The following APOB variants were observed in gnomAD, a reference collection of about 807,000 sequenced individuals.
The protein encoded by APOB is apolipoprotein B-100.
Under a neutral mutation model 314.1 loss-of-function variants are expected in APOB, and 153 were observed. The observed-to-expected ratio is 0.49, with a 90% CI of 0.43 to 0.56. The LOEUF (loss-of-function observed/expected upper bound fraction) is 0.56. Among genes scored for constraint, APOB ranks in the 20% least tolerant of loss-of-function variants. The pLI, the probability that APOB is intolerant of heterozygous loss-of-function variation, is 0.00. For synonymous variants in APOB, 2,087 were observed against 2,036.4 expected, an observed-to-expected ratio of 1.02 and a Z score of -0.67; for missense variants, 5,430 against 5,350.7, an observed-to-expected ratio of 1.01 and a Z score of -0.46.
chr2:21,019,766 A>G lies in APOB; in HGVS notation c.2956T>C (p.Ser986Pro). 2 of 1,614,152 alleles carry G rather than the reference A, an allele frequency of 1.2e-6. No individual in the cohort carries two copies. Among genetic ancestry groups the G allele is most frequent in the Non-Finnish European group, 1.7e-6 (2 of 1,180,024 alleles). ...CTSGAYSNAS[S>P]TDSASYYPLT... ...GGATAGTAGGAGGCGGAGTCTGTGGAGCTGGCGTTGGAGTAAGCGCCTGAG... is the reference window on the plus strand; with the variant it reads ...GGATAGTAGGAGGCGGAGTCTGTGGGGCTGGCGTTGGAGTAAGCGCCTGAG... The change falls in exon 19 of 29, where the codon TCC (serine) becomes CCC (proline). Residue 986 changes from serine to proline, a missense_variant. Physicochemically the swap from Ser to Pro is moderately conservative, Grantham distance 74. This residue lies in a region of APOB where 2,085 missense variants were observed against 2,079.7 expected (regional missense o/e 1.00). Transcript: ENST00000233242.
rs748957788 is a variant in APOB, at chr2:21,027,910, T to G, written c.1985A>C (p.Asp662Ala). ...TTCTTTAGGAAGGTAGTTATTTGGA[T>G]CAAATATAAGATTCCCTTCTATTTT... ...SAKIEGNLIF[D>A]PNNYLPKESM... Residue 662 changes from aspartate to alanine, a missense_variant, in exon 14 of 29, where the codon GAT becomes GCT. Physicochemically the swap from Asp to Ala is moderately radical, Grantham distance 126. Transcript: ENST00000233242. 1 of 1,614,164 alleles carries G rather than the reference T, an allele frequency of 6.2e-7. No individual in the cohort carries two copies. Among genetic ancestry groups the G allele is most frequent in the Non-Finnish European group, 8.5e-7 (1 of 1,180,002 alleles).
In APOB at chr2:21,005,780, A is replaced by C. The variant is rs1663116627; in HGVS notation, c.11088T>G (p.Ile3696Met). ...AAACACGAAGATGCTGTCTCCTACC[A>C]ATGCTGGTGGTTACATCCAGCTTTA... ...DFLKLDVTTSIGRRQHLRVST... is the reference protein window; with the variant it reads ...DFLKLDVTTSMGRRQHLRVST... The change falls in exon 26 of 29, where the codon ATT becomes ATG. Residue 3696 changes from isoleucine (I) to methionine (M), a missense_variant. Physicochemically the swap from Ile to Met is conservative, Grantham distance 10 (BLOSUM62 1). Transcript: ENST00000233242. 2.5e-6 allele frequency: 4 copies of C among 1,614,040 alleles called. No individual in the cohort carries two copies. Among genetic ancestry groups the C allele is most frequent in the Non-Finnish European group, 3.4e-6 (4 of 1,179,972 alleles).
At chr2:21,003,757 C>T (rs555042520) in intron 28 of APOB, among the ~76,000 whole-genome samples, 8 of 152,260 alleles carry the variant, frequency 5.3e-5, no homozygotes, top group African/African-American at 1.7e-4. Flanking sequence ...AACATCAGTA[C>T]GCATTCTCCA....
intron 7 of APOB, among the ~76,000 whole-genome samples, chr2:21,035,289 C>T (rs2103382307): frequency 6.6e-6 from 1 of 152,332 alleles, no homozygotes; most frequent in East Asian, 1.9e-4. Flanking sequence ...CCCAAATCTT[C>T]CATGAAACCT....
Position 21,008,521 on chromosome 2 carries a change from A to T in APOB, c.8347T>A (p.Ser2783Thr). 3 of 1,614,052 alleles carry T rather than the reference A, an allele frequency of 1.9e-6. No individual in the cohort carries two copies. The highest frequency in any genetic ancestry group is 2.5e-6 in the Non-Finnish European group (3 of 1,179,974). ...GCTGCGATACCTGCTTCGTTTGCTG[A>T]GGTGGTTCCATTCCCTATGTCAGCA... ...ANADIGNGTT[S>T]ANEAGIAASI... The change falls in exon 26 of 29, where the codon TCA becomes ACA. Residue 2783 changes from serine to threonine, a missense_variant. Transcript: ENST00000233242.
At position 21,005,171 on chromosome 2, in the gene APOB, A is replaced by T. The variant is rs1311754475; in HGVS notation, c.11697T>A (p.Ser3899Arg). Residue 3899 changes from serine (S) to arginine (R), a missense_variant, in exon 26 of 29, where the codon AGT becomes AGA. Around this residue, in one of 3 missense-constraint regions of APOB, gnomAD observed 3,281 missense variants for 3,171.0 expected, o/e 1.03. Coordinates refer to ENST00000233242, the MANE Select transcript of APOB (RefSeq NM_000384.3). ...VDSPVYNATWSASLKNKADYV... is the reference protein window; with the variant it reads ...VDSPVYNATWRASLKNKADYV... ...AATCTGCTTTGTTTTTCAAACTGGCACTCCAAGTGGCATTATACACGGGAG... is the reference window on the plus strand; with the variant it reads ...AATCTGCTTTGTTTTTCAAACTGGCTCTCCAAGTGGCATTATACACGGGAG... The T allele has an allele frequency of 1.2e-6, 2 of 1,613,998 alleles. No individual in the cohort carries two copies. Among genetic ancestry groups the T allele is most frequent in the Non-Finnish European group, 8.5e-7 (1 of 1,179,936 alleles).
chr2:21,005,289 T>C lies in APOB; in HGVS notation c.11579A>G (p.Gln3860Arg), dbSNP rs1454542532. The part of the protein sequence containing the change: ...FELPTIIVPE[Q>R]TIEIPSIKFS... ...CTTAATGGAGGGAATCTCAATGGTC[T>C]GCTCAGGCACGATGATGGTGGGCAA... is the stretch of plus-strand genomic sequence containing the variant. Residue 3860 changes from glutamine (Q) to arginine (R), a missense_variant, in exon 26 of 29, where the codon CAG becomes CGG. Around this residue, in one of 3 missense-constraint regions of APOB, gnomAD observed 3,281 missense variants for 3,171.0 expected, o/e 1.03. Transcript: ENST00000233242. 1.9e-6 allele frequency: 3 copies of C among 1,613,970 alleles called. No individual in the cohort carries two copies. The highest frequency in any genetic ancestry group is 2.7e-5 in the African/African-American group (2 of 74,910).
intron 26 of APOB, 72 bp from the exon 27 acceptor site, chr2:21,004,747 G>C: frequency 1.7e-6 from 2 of 1,154,506 alleles, no homozygotes; most frequent in Non-Finnish European, 2.6e-6. Context: ...TGTGAAAACT[G>C]GGAGAATTCT....
intron 12 of APOB, 57 bp from the exon 13 acceptor site, chr2:21,028,595 C>G (rs973907753): frequency 6.6e-6 from 8 of 1,218,206 alleles, no homozygotes; most frequent in African/African-American, 5.9e-5. Context: ...ACAGAACATG[C>G]CTGGCAAACA....
intron 4 of APOB, among the ~76,000 whole-genome samples, chr2:21,038,801 CAA>C: frequency 6.6e-6 from 1 of 152,216 alleles, no homozygotes; most frequent in East Asian, 1.9e-4. Context: ...CAGAGTCATA[CAA>C]AGATTTTGCC....
In APOB at chr2:21,006,705, G is replaced by T; in HGVS notation, c.10163C>A (p.Thr3388Lys). 1 of 1,613,912 alleles carries T rather than the reference G, an allele frequency of 6.2e-7. No homozygotes were observed. The highest frequency in any genetic ancestry group is 8.5e-7 in the Non-Finnish European group (1 of 1,179,942). The change falls in exon 26 of 29, where the codon ACA becomes AAA. Residue 3388 changes from threonine to lysine, a missense_variant. Around this residue, in one of 3 missense-constraint regions of APOB, gnomAD observed 3,281 missense variants for 3,171.0 expected, o/e 1.03. Transcript: ENST00000233242. ...QYKLEGTTRL[T>K]RKRGLKLATA... is the part of the protein sequence containing the mutation. ...GGCTAACTTCAATCCCCTTTTTCTT[G>T]TCAATCTTGTGGTGCCCTCTAATTT...
At chr2:21,023,423 T>C (rs748225566) in intron 17 of APOB, 102 bp downstream of exon 17, 18 of 1,382,326 alleles carry the variant, frequency 1.3e-5, no homozygotes, top group Non-Finnish European at 1.8e-5. Context: ...GATGAAGCAT[T>C]TTGTCTTGAA....
rs576038819 is a variant in APOB, at chr2:21,033,131, C to T, written c.1124+168G>A. ...ATGCGCGTGTGTGTTTCATGGAACTCAGCGCAGCAGCTGATAGTTCTCTAT... is the reference window on the plus strand; with the variant it reads ...ATGCGCGTGTGTGTTTCATGGAACTTAGCGCAGCAGCTGATAGTTCTCTAT... On this transcript the variant is annotated intron_variant, in intron 9 of 28. Coordinates refer to ENST00000233242, the MANE Select transcript of APOB (RefSeq NM_000384.3). Among the ~76,000 whole-genome samples, 91 of 152,334 alleles carry T rather than the reference C, an allele frequency of 6.0e-4. 4 individuals are homozygous for T. In the South Asian group the frequency reaches 0.019, roughly 32 times the overall value.
rs1663668143 is a variant in APOB at position 21,023,663 on chromosome 2, C to A, written c.2466G>T (p.Lys822Asn). Reference sequence around the variant, plus strand: ...AGATGTAGTGAAGAAAAAAGTCATTCTTTGAGCCCTTCCTGATGACCTCTC... The same window carrying A: ...AGATGTAGTGAAGAAAAAAGTCATTATTTGAGCCCTTCCTGATGACCTCTC... ...MIGEVIRKGS[K>N]NDFFLHYIFM... is the part of the protein sequence containing the mutation. Residue 822 changes from lysine to asparagine, a missense_variant, in exon 17 of 29, where the codon AAG becomes AAT. Around this residue, in one of 3 missense-constraint regions of APOB, gnomAD observed 2,085 missense variants for 2,079.7 expected, o/e 1.00. Coordinates refer to ENST00000233242, the MANE Select transcript of APOB (RefSeq NM_000384.3). 6.2e-7 allele frequency: 1 copy of A among 1,612,314 alleles called. No individual in the cohort carries two copies. Among genetic ancestry groups the A allele is most frequent in the East Asian group, 2.2e-5 (1 of 44,828 alleles).
Position 21,044,026 on chromosome 2 carries a change from C to T in APOB, c.-81G>A, listed in dbSNP as rs1664208375. 2.9e-6 allele frequency: 2 copies of T among 680,672 alleles called. No homozygotes were observed. Among genetic ancestry groups the T allele is most frequent in the Non-Finnish European group, 4.0e-6 (2 of 494,616 alleles). 42.2% of individuals were successfully genotyped at this position (680,672 alleles called of 1,614,324 possible). On this transcript the variant is annotated 5_prime_UTR_variant, in exon 1 of 29. Coordinates refer to ENST00000233242, the MANE Select transcript of APOB (RefSeq NM_000384.3). ...CTGGCTGGCTGGGCGGGCTCCTCAG[C>T]GGCAGCAACCGAGAAGGGCACTCAG...
chr2:21,038,168 A>C, intron 4 of APOB, 57 bp from the exon 5 acceptor site: 1 of 1,598,098 alleles, frequency 6.3e-7, no homozygotes, highest in Non-Finnish European at 8.6e-7. Context: ...ACTTGCTGGA[A>C]GTAAGCTGGG....
In APOB at chr2:21,029,844, G is replaced by A. The variant is rs12720765; in HGVS notation, c.1470+54C>T. 2,126 of 1,611,106 alleles carry A rather than the reference G, an allele frequency of 1.3e-3. 23 individuals carry two copies. The African/African-American group carries it at 0.026, about 20-fold the overall frequency. On this transcript the variant is annotated intron_variant, in intron 11 of 28. Coordinates refer to ENST00000233242, the MANE Select transcript of APOB (RefSeq NM_000384.3). Reference sequence around the variant, plus strand: ...GGTGCAGGAGAGGGAAGTAAAAGGTGTCCAGGAAAAGTGCTTCTGAAATGA... The same window carrying A: ...GGTGCAGGAGAGGGAAGTAAAAGGTATCCAGGAAAAGTGCTTCTGAAATGA...
rs765547941 is a variant in APOB at position 21,007,024 on chromosome 2, T to C, written c.9844A>G (p.Ser3282Gly). The change falls in exon 26 of 29, where the codon AGT (serine) becomes GGT (glycine). Residue 3282 changes from serine (S) to glycine (G), a missense_variant. Ser to Gly is a moderately conservative substitution (Grantham distance 56). Around this residue, in one of 3 missense-constraint regions of APOB, gnomAD observed 3,281 missense variants for 3,171.0 expected, o/e 1.03. Transcript: ENST00000233242. ...YVFPKAVSMP[S>G]FSILGSDVRV... ...ACGTCAGAACCTAGGATGGAGAAAC[T>C]AGGCATGCTGACTGCTTTTGGGAAC... 4.3e-6 allele frequency: 7 copies of C among 1,614,038 alleles called. No homozygotes were observed. The South Asian group carries it at 6.6e-5, about 15-fold the overall frequency.
chr2:21,011,327 T>G lies in APOB; in HGVS notation c.5541A>C (p.Leu1847Phe). The G allele has an allele frequency of 1.2e-6, 2 of 1,614,198 alleles. No homozygotes were observed. Among genetic ancestry groups the G allele is most frequent in the African/African-American group, 1.3e-5 (1 of 75,052 alleles). The stretch of plus-strand genomic sequence containing the variant: ...CAGTGTCTGCTTTATAGCTTGCTGA[T>G]AAGGCAGCAGAAGAGATGGCATAGA... ...KHIYAISSAA[L>F]SASYKADTVA... is the part of the protein sequence containing the mutation. Residue 1847 changes from leucine to phenylalanine, a missense_variant, in exon 26 of 29, where the codon TTA (leucine) becomes TTC (phenylalanine). Physicochemically the swap from Leu to Phe is conservative, Grantham distance 22. This residue lies in a region of APOB where 3,281 missense variants were observed against 3,171.0 expected (regional missense o/e 1.03). Transcript: ENST00000233242.
Sources: gnomAD v4.1 joint callset for allele counts (sites outside exome capture counted in the v4.1 genomes callset) on GRCh38, gnomAD v4.1.1 for gene constraint, gnomAD v4.1.1 regional missense constraint, MANE v1.5 for transcripts, NCBI Gene and HGNC (gene_info 2026-07-23, HGNC 2026-07-21) for gene names.